The following RIMS4 variants were observed in gnomAD, a reference collection of about 807,000 sequenced individuals.
The protein encoded by RIMS4 is regulating synaptic membrane exocytosis 4, also known as regulating synaptic membrane exocytosis protein 4.
RIMS4 carries 9 observed loss-of-function variants against 29.0 expected under a neutral mutation model. The ratio of observed to expected loss-of-function variants is 0.31; its 90% CI spans 0.19 to 0.54. The LOEUF is 0.54. Ranked by LOEUF, RIMS4 falls within the 20% of genes least tolerant of loss-of-function variation. The probability of loss-of-function intolerance (pLI) is 0.94; values close to 1 mark genes in which losing one functional copy is unlikely to be tolerated. For missense variants in RIMS4, 193 were observed against 365.7 expected (o/e 0.53, Z 3.85); for synonymous variants, 130 against 152.9 (o/e 0.85, Z 1.10).
chr20:44,785,838 GA>G (rs2066206176), intron 1 of RIMS4, among the ~76,000 whole-genome samples: 2 of 151,178 alleles, frequency 1.3e-5, no homozygotes, highest in South Asian at 4.2e-4. Flanking sequence ...GGACTTGGCA[GA>G]AAAGGATGCC....
chr20:44,768,592 G>T (rs2066123782), intron 2 of RIMS4, among the ~76,000 whole-genome samples: 1 of 152,234 alleles, frequency 6.6e-6, no homozygotes, highest in African/African-American at 2.4e-5. Context: ...TCGCCCAGGT[G>T]TTGGGCAGGT....
intron 1 of RIMS4, among the ~76,000 whole-genome samples, chr20:44,779,284 A>G (rs556823123): frequency 6.6e-6 from 1 of 152,354 alleles, no homozygotes; most frequent in South Asian, 2.1e-4. Flanking sequence ...GTACAATTAT[A>G]TATCGCACAG....
Position 44,810,156 on chromosome 20 carries a change from G to A in RIMS4, c.97+19C>T. On this transcript the variant is annotated intron_variant, in intron 1 of 5. Transcript: ENST00000372851. Reference sequence around the variant, plus strand: ...TCCCGGGACACCCCGGGGGTCTGGGGGGCGGGCCGCGCGCTTACCTGCGTC... The same window carrying A: ...TCCCGGGACACCCCGGGGGTCTGGGAGGCGGGCCGCGCGCTTACCTGCGTC... 6.5e-7 allele frequency: 1 copy of A among 1,543,666 alleles called. No homozygotes were observed. Among genetic ancestry groups the A allele is most frequent in the Non-Finnish European group, 8.8e-7 (1 of 1,131,350 alleles).
intron 1 of RIMS4, among the ~76,000 whole-genome samples, chr20:44,776,964 T>C (rs1191702468): frequency 1.3e-5 from 2 of 152,164 alleles, no homozygotes; most frequent in Non-Finnish European, 2.9e-5. Context: ...CAAAGCCATG[T>C]TTTAAATGCA....
chr20:44,805,781 G>T (rs576947901), intron 1 of RIMS4, among the ~76,000 whole-genome samples: 1 of 152,228 alleles, frequency 6.6e-6, no homozygotes, highest in East Asian at 1.9e-4. Flanking sequence ...TAAAGGGGGA[G>T]GGGGAGAACT....
intron 3 of RIMS4, 54 bp from the exon 4 acceptor site, chr20:44,757,825 G>C: frequency 5.4e-6 from 8 of 1,478,080 alleles, no homozygotes; most frequent in Non-Finnish European, 5.7e-6. Context: ...GCTCAAGCTT[G>C]GACTCAGCTC....
chr20:44,808,921 C>G lies in RIMS4; in HGVS notation c.97+1254G>C, dbSNP rs1048294307. Among the ~76,000 whole-genome samples, 9 of 152,202 alleles carry G rather than the reference C, an allele frequency of 5.9e-5. No homozygotes were observed. In the South Asian group the frequency reaches 1.9e-3, roughly 32 times the overall value. ...TTGTGGATGGTGCATATATGCACTTCGGGAGAGATAGTCCATGTTTTCCTC... is the reference window on the plus strand; with the variant it reads ...TTGTGGATGGTGCATATATGCACTTGGGGAGAGATAGTCCATGTTTTCCTC... On this transcript the variant is annotated intron_variant, in intron 1 of 5. Coordinates refer to ENST00000372851, the MANE Select transcript of RIMS4 (RefSeq NM_182970.4).
intron 2 of RIMS4, among the ~76,000 whole-genome samples, chr20:44,764,189 T>TCCATCCATCCA (rs1568895695): frequency 1.0e-4 from 1 of 9,910 alleles, no homozygotes; most frequent in African/African-American, 2.5e-4. Context: ...CATCCATCCA[T>TCCATCCATCCA]TTATCCATCC....
At chr20:44,764,696 T>G (rs1466029645) in intron 2 of RIMS4, among the ~76,000 whole-genome samples, 1 of 152,190 alleles carries the variant, frequency 6.6e-6, no homozygotes, top group Non-Finnish European at 1.5e-5. Context: ...CTTATGTGGG[T>G]GCAGTTTTCT....
chr20:44,771,465 G>T (rs1396271062), intron 1 of RIMS4, 52 bp from the exon 2 acceptor site: 21 of 1,570,532 alleles, frequency 1.3e-5, no homozygotes, highest in Non-Finnish European at 1.8e-5. Context: ...AGGTGGGAGG[G>T]GGACAGAGAG....
At chr20:44,763,059 T>C (rs571354740) in intron 2 of RIMS4, among the ~76,000 whole-genome samples, 5 of 152,348 alleles carry the variant, frequency 3.3e-5, no homozygotes, top group African/African-American at 1.2e-4. Context: ...AAAGAGCTTA[T>C]TGCATTAAGT....
chr20:44,778,795 T>C (rs750693057), intron 1 of RIMS4, among the ~76,000 whole-genome samples: 26 of 152,360 alleles, frequency 1.7e-4, no homozygotes, highest in African/African-American at 5.8e-4. Flanking sequence ...GGAGCCTGAA[T>C]GCCTGGGTTG....
At chr20:44,789,914 A>C (rs548026716) in intron 1 of RIMS4, among the ~76,000 whole-genome samples, 1 of 152,346 alleles carries the variant, frequency 6.6e-6, no homozygotes, top group African/African-American at 2.4e-5. Flanking sequence ...TCCACAGTTG[A>C]GCTGCCTGTC....
chr20:44,810,000 G>A (rs1275725114), intron 1 of RIMS4, among the ~76,000 whole-genome samples, 175 bp downstream of exon 1: 1 of 151,476 alleles, frequency 6.6e-6, no homozygotes, highest in African/African-American at 2.4e-5. Flanking sequence ...GGGGGAGAAG[G>A]CCAGAAGGTA....
intron 1 of RIMS4, among the ~76,000 whole-genome samples, chr20:44,808,404 A>G (rs1376958068): frequency 6.6e-6 from 1 of 152,132 alleles, no homozygotes; most frequent in African/African-American, 2.4e-5. Flanking sequence ...TTGAAGAAAA[A>G]CTAAACCGCT....
intron 1 of RIMS4, among the ~76,000 whole-genome samples, chr20:44,780,380 G>C (rs1379572271): frequency 6.6e-6 from 1 of 152,214 alleles, no homozygotes; most frequent in East Asian, 1.9e-4. Context: ...CAGAGGACTG[G>C]GCCTGCCTAG....
rs12053643 is a variant in RIMS4, at chr20:44,800,085, C to G, written c.97+10090G>C. ...TAAGCGGCAGAGCCAAGATTCAAAT[C>G]CAGGTTATCTGGCTGTGGAGCTCGT... On this transcript the variant is annotated intron_variant, in intron 1 of 5. Coordinates refer to ENST00000372851, the MANE Select transcript of RIMS4 (RefSeq NM_182970.4). Among the ~76,000 whole-genome samples, 7 of 152,330 alleles carry G rather than the reference C, an allele frequency of 4.6e-5. No individual in the cohort carries two copies. In the East Asian group the frequency reaches 7.7e-4, roughly 17 times the overall value.
In RIMS4 at chr20:44,797,885, A is replaced by G. The variant is rs142116856; in HGVS notation, c.97+12290T>C. 2.6e-4 allele frequency among the ~76,000 whole-genome samples: 40 copies of G among 152,336 alleles called. No homozygotes were observed. In the East Asian group the frequency reaches 6.9e-3, roughly 26 times the overall value. On this transcript the variant is annotated intron_variant, in intron 1 of 5. Coordinates refer to ENST00000372851, the MANE Select transcript of RIMS4 (RefSeq NM_182970.4). ...GGTTACCTCCTGCTTATAGCTGTGA[A>G]CCTGTTCATCTAATGAGGAAATCAA...
At position 44,757,708 on chromosome 20, in the gene RIMS4, C is replaced by T. The variant is rs141614672; in HGVS notation, c.413G>A (p.Arg138Gln). The T allele has an allele frequency of 6.8e-6, 11 of 1,614,028 alleles. No individual in the cohort carries two copies. The highest frequency in any genetic ancestry group is 1.7e-5 in the Admixed American group (1 of 60,008). ...GQLEVDIIQA[R>Q]GLTAKPGSKT... ...GGAGCCTGGCTTGGCTGTCAGTCCC[C>T]GAGCCTGGATAATGTCCACCTCCAA... is the stretch of plus-strand genomic sequence containing the variant. Residue 138 changes from arginine (R) to glutamine (Q), a missense_variant, in exon 4 of 6, where the codon CGG becomes CAG. Coordinates refer to ENST00000372851, the MANE Select transcript of RIMS4 (RefSeq NM_182970.4).
Sources: allele counts gnomAD v4.1 joint callset (sites outside exome capture counted in the v4.1 genomes callset), GRCh38; gene constraint gnomAD v4.1.1; transcripts MANE v1.5; gene names NCBI Gene and HGNC (gene_info 2026-07-23, HGNC 2026-07-21).